The following DGKG variants were observed in gnomAD, a reference collection of about 807,000 sequenced individuals.
DGKG encodes diacylglycerol kinase gamma.
A neutral mutation model predicts 105.3 loss-of-function variants in DGKG; 78 were observed. The ratio of observed to expected loss-of-function variants is 0.74; its 90% CI spans 0.62 to 0.89. DGKG has a LOEUF of 0.89. DGKG is among the 40% of genes least tolerant of loss of function. The pLI is 0.00. For synonymous variants in DGKG, 346 were observed against 367.1 expected, an observed-to-expected ratio of 0.94 and a Z score of 0.66; for missense variants, 958 against 1,020.1, an observed-to-expected ratio of 0.94 and a Z score of 0.83.
At chr3:186,299,412 C>T (rs1038430051) in intron 3 of DGKG, among the ~76,000 whole-genome samples, 2 of 152,298 alleles carry the variant, frequency 1.3e-5, no homozygotes, top group Middle Eastern at 3.4e-3. Context: ...TAATGGCCTC[C>T]CCACCCCACT....
chr3:186,161,714 A>G (rs1033508044), intron 23 of DGKG, 51 bp from the exon 24 acceptor site: 2 of 1,613,516 alleles, frequency 1.2e-6, no homozygotes, highest in African/African-American at 2.7e-5. Context: ...AAGTGGGAGA[A>G]TCAAGGTTAT....
At position 186,148,541 on chromosome 3, in the gene DGKG, GAC is replaced by G; in HGVS notation, c.*1547_*1548del. The G allele has an allele frequency of 1.0e-6, 1 of 985,364 alleles. No individual in the cohort carries two copies. Among genetic ancestry groups the G allele is most frequent in the Non-Finnish European group, 1.2e-6 (1 of 829,920 alleles). 61.0% of individuals were successfully genotyped at this position (985,364 alleles called of 1,614,324 possible). A position where few individuals can be genotyped will look rare whatever the true frequency, so the allele number is the denominator to read the frequency against. On this transcript the variant is annotated 3_prime_UTR_variant, in exon 25 of 25. Transcript: ENST00000265022. ...CTCCCTGGCAACCTGGATCCAAGTG[GAC>G]TCACTTTTCAGTGACCAGAAATGAC...
intron 3 of DGKG, among the ~76,000 whole-genome samples, chr3:186,303,695 T>C (rs1724085135): frequency 1.3e-5 from 2 of 152,172 alleles, no homozygotes; most frequent in Admixed American, 1.3e-4. Flanking sequence ...TCTTTTGCTT[T>C]TCTGGGTTTT....
intron 2 of DGKG, among the ~76,000 whole-genome samples, chr3:186,313,916 T>C (rs1481313721): frequency 1.3e-5 from 2 of 152,138 alleles, no homozygotes; most frequent in African/African-American, 2.4e-5. Flanking sequence ...AGTCTCACTC[T>C]ACTGGCCAGC....
intron 2 of DGKG, among the ~76,000 whole-genome samples, chr3:186,318,012 A>G (rs891558817): frequency 6.6e-6 from 1 of 152,094 alleles, no homozygotes; most frequent in Admixed American, 6.5e-5. Flanking sequence ...ACGTGCATTG[A>G]TGATATTTCC....
chr3:186,270,012 T>A (rs1722243618), intron 11 of DGKG, among the ~76,000 whole-genome samples: 1 of 152,060 alleles, frequency 6.6e-6, no homozygotes, highest in Non-Finnish European at 1.5e-5. Flanking sequence ...CAGAAGGAAG[T>A]GGATATGGAC....
At chr3:186,271,246 C>T (rs896039227) in intron 11 of DGKG, among the ~76,000 whole-genome samples, 6 of 152,248 alleles carry the variant, frequency 3.9e-5, no homozygotes, top group Admixed American at 1.3e-4. Context: ...ACCCAATGAC[C>T]GAGTTAGAAA....
chr3:186,327,978 T>C (rs1725429307), intron 1 of DGKG, among the ~76,000 whole-genome samples: 2 of 152,130 alleles, frequency 1.3e-5, no homozygotes, highest in Admixed American at 6.5e-5. Context: ...TCACCCCCAT[T>C]ACCTCCTGCC....
At chr3:186,301,407 C>A (rs911004733) in intron 3 of DGKG, among the ~76,000 whole-genome samples, 1 of 152,224 alleles carries the variant, frequency 6.6e-6, no homozygotes, top group Non-Finnish European at 1.5e-5. Context: ...GCAGGCAGAT[C>A]ATGAGGTCAG....
chr3:186,183,715 T>A (rs916611632), intron 22 of DGKG, among the ~76,000 whole-genome samples: 1 of 152,058 alleles, frequency 6.6e-6, no homozygotes, highest in South Asian at 2.1e-4. Flanking sequence ...TTCTTTTTTT[T>A]TTTCTTGAGA....
chr3:186,272,486 A>T (rs1361139047), intron 10 of DGKG, 143 bp from the exon 11 acceptor site: 2 of 649,500 alleles, frequency 3.1e-6, no homozygotes, highest in Non-Finnish European at 5.5e-6. Flanking sequence ...GTCTTGCCTA[A>T]CGGAAATTCA....
At chr3:186,161,803 G>A in intron 23 of DGKG, 140 bp from the exon 24 acceptor site, 3 of 1,349,602 alleles carry the variant, frequency 2.2e-6, no homozygotes, top group Non-Finnish European at 3.0e-6. Flanking sequence ...TGGAGAACTT[G>A]TTAAAAATAG....
intron 20 of DGKG, among the ~76,000 whole-genome samples, chr3:186,216,507 C>A (rs1229624405): frequency 6.6e-6 from 1 of 152,114 alleles, no homozygotes; most frequent in Non-Finnish European, 1.5e-5. Flanking sequence ...TCCTTCAGTT[C>A]TCAGAAGAAG....
intron 2 of DGKG, among the ~76,000 whole-genome samples, chr3:186,319,033 C>G (rs534073383): frequency 1.3e-5 from 2 of 152,348 alleles, no homozygotes; most frequent in South Asian, 4.1e-4. Flanking sequence ...CTTTGTGCTT[C>G]TTCTTCATCC....
chr3:186,241,759 T>A lies in DGKG; in HGVS notation c.1826+745A>T, dbSNP rs78288750. On this transcript the variant is annotated intron_variant, in intron 20 of 24. Coordinates refer to ENST00000265022, the MANE Select transcript of DGKG (RefSeq NM_001346.3). Reference sequence around the variant, plus strand: ...GAAAGAAAGAATGAAAATTGACTAATGAGAAGATACAGACAAAGAAGGAAA... The same window carrying A: ...GAAAGAAAGAATGAAAATTGACTAAAGAGAAGATACAGACAAAGAAGGAAA... 9.8e-3 allele frequency among the ~76,000 whole-genome samples: 1,486 copies of A among 152,162 alleles called. 31 individuals are homozygous for A. Among genetic ancestry groups the A allele is most frequent in the African/African-American group, 0.034 (1,403 of 41,498 alleles).
Position 186,195,105 on chromosome 3 carries a change from A to C in DGKG, c.1918-6726T>G, listed in dbSNP as rs544578165. Among the ~76,000 whole-genome samples the C allele has an allele frequency of 4.0e-5, 6 of 150,914 alleles. No homozygotes were observed. The East Asian group carries it at 1.2e-3, about 29-fold the overall frequency. On this transcript the variant is annotated intron_variant, in intron 21 of 24. Coordinates refer to ENST00000265022, the MANE Select transcript of DGKG (RefSeq NM_001346.3). ...GGGCGATAGAGCGAGACTCTGTATA[A>C]AAAAAAAATTATGGGTATTTTCAAA...
intron 3 of DGKG, 142 bp from the exon 4 acceptor site, chr3:186,298,371 G>T: frequency 2.7e-6 from 2 of 733,208 alleles, no homozygotes; most frequent in South Asian, 2.0e-5. Flanking sequence ...ATGGGGACAG[G>T]AATGAAAAGG....
At chr3:186,295,709 GAGAA>G (rs1248163269) in intron 5 of DGKG, among the ~76,000 whole-genome samples, 3 of 149,294 alleles carry the variant, frequency 2.0e-5, no homozygotes, top group Non-Finnish European at 4.4e-5. Context: ...AACAACCTGG[GAGAA>G]AGAAAGCCCA....
intron 19 of DGKG, among the ~76,000 whole-genome samples, chr3:186,247,965 CTTCCTTCCTTCT>C (rs1233087287): frequency 6.6e-6 from 1 of 151,948 alleles, no homozygotes; most frequent in Non-Finnish European, 1.5e-5. Context: ...GCAGGACTTC[CTTCCTTCCTTCT>C]TTCCTTCCTT....
Sources: gnomAD v4.1 joint callset for allele counts (sites outside exome capture counted in the v4.1 genomes callset) on GRCh38, gnomAD v4.1.1 for gene constraint, MANE v1.5 for transcripts, NCBI Gene and HGNC (gene_info 2026-07-23, HGNC 2026-07-21) for gene names.